Variants in ITGBL1 observed in about 807,000 individuals in gnomAD.
ITGBL1 encodes the protein integrin beta-like protein 1.
Under a neutral mutation model 68.5 loss-of-function variants are expected in ITGBL1, and 51 were observed. The observed-to-expected ratio is 0.74, with a 90% CI of 0.59 to 0.94. The LOEUF is 0.94. Ranked by LOEUF, ITGBL1 falls within the 40% of genes least tolerant of loss-of-function variation. ITGBL1 has a pLI of 0.00. For missense variants in ITGBL1, 649 were observed against 647.4 expected, an observed-to-expected ratio of 1.00 and a Z score of -0.03; for synonymous variants, 209 against 227.3, an observed-to-expected ratio of 0.92 and a Z score of 0.72.
chr13:101,712,769 C>T (rs1261137458), intron 9 of ITGBL1: 1 of 152,096 alleles, frequency 6.6e-6, no homozygotes, highest in Non-Finnish European at 1.5e-5. Context: ...GAGTGCTGTA[C>T]ATTTTTTTAT....
intron 2 of ITGBL1, among the ~76,000 whole-genome samples, chr13:101,465,334 C>T (rs2048369316): frequency 6.6e-6 from 1 of 152,102 alleles, no homozygotes; most frequent in South Asian, 2.1e-4. Flanking sequence ...ACAAAAATCA[C>T]TCAGGATTCT....
At chr13:101,618,767 A>G (rs2031469029) in intron 7 of ITGBL1, among the ~76,000 whole-genome samples, 1 of 152,114 alleles carries the variant, frequency 6.6e-6, no homozygotes, top group Non-Finnish European at 1.5e-5. Flanking sequence ...ATACAGGAGG[A>G]ACATGGATTT....
At chr13:101,673,328 G>A (rs2033422712) in intron 7 of ITGBL1, among the ~76,000 whole-genome samples, 1 of 152,172 alleles carries the variant, frequency 6.6e-6, no homozygotes, top group African/African-American at 2.4e-5. Flanking sequence ...TAAGCCCTTA[G>A]CCTGCCCAAT....
At position 101,550,269 on chromosome 13, in the gene ITGBL1, C is replaced by G. The variant is rs545983022; in HGVS notation, c.317-17430C>G. Among the ~76,000 whole-genome samples the G allele has an allele frequency of 1.4e-3, 219 of 152,162 alleles. 1 individual carries two copies. Among genetic ancestry groups the G allele is most frequent in the African/African-American group, 4.6e-3 (193 of 41,520 alleles). ...CTGGGAAGACAGACATGGTGCCTGC[C>G]TCTGGAGAAAAAGAGTATATTTATA... On this transcript the variant is annotated intron_variant, in intron 2 of 10. Transcript: ENST00000376180.
At position 101,703,174 on chromosome 13, in the gene ITGBL1, T is replaced by TA. The variant is rs11364711; in HGVS notation, c.1133-3569dup. 8.3e-3 allele frequency among the ~76,000 whole-genome samples: 1,208 copies of TA among 145,430 alleles called. 8 individuals are homozygous for TA. Among genetic ancestry groups the TA allele is most frequent in the African/African-American group, 0.023 (910 of 39,900 alleles). On this transcript the variant is annotated intron_variant, in intron 8 of 10. Transcript: ENST00000376180. The stretch of plus-strand genomic sequence containing the variant: ...GAAGTCAAAAAAGTTCCACAGGAGG[T>TA]AAAAAAAAAAAAATAAGGTATTACA...
chr13:101,559,270 T>C (rs1037718481), intron 2 of ITGBL1, among the ~76,000 whole-genome samples: 2 of 152,160 alleles, frequency 1.3e-5, no homozygotes, highest in Non-Finnish European at 2.9e-5. Flanking sequence ...AAAATACTAC[T>C]TTGTTGTGAG....
intron 6 of ITGBL1, among the ~76,000 whole-genome samples, chr13:101,597,923 T>C (rs774378200): frequency 7.9e-5 from 12 of 152,118 alleles, no homozygotes; most frequent in Non-Finnish European, 1.6e-4. Context: ...TTGAAGTTTA[T>C]AGCCTTACTA....
intron 7 of ITGBL1, among the ~76,000 whole-genome samples, chr13:101,644,450 T>A (rs866604021): frequency 6.6e-6 from 1 of 152,314 alleles, no homozygotes. Flanking sequence ...GCGATGCCTA[T>A]GGACACTGAT....
chr13:101,645,638 C>T (rs2032533779), intron 7 of ITGBL1, among the ~76,000 whole-genome samples: 1 of 152,084 alleles, frequency 6.6e-6, no homozygotes, highest in Non-Finnish European at 1.5e-5. Context: ...ATGCAAAAGC[C>T]TTCTCTGGGG....
intron 7 of ITGBL1, among the ~76,000 whole-genome samples, chr13:101,631,448 G>T (rs1285822965): frequency 1.3e-5 from 2 of 151,988 alleles, no homozygotes; most frequent in Admixed American, 6.6e-5. Context: ...TTTAAATGAG[G>T]AGGAAAGGCA....
chr13:101,683,266 G>T (rs189421551), intron 7 of ITGBL1, among the ~76,000 whole-genome samples: 1 of 151,698 alleles, frequency 6.6e-6, no homozygotes, highest in African/African-American at 2.4e-5. Context: ...AAAGTTTTCC[G>T]CCTAGATATA....
At chr13:101,667,750 A>G (rs998377887) in intron 7 of ITGBL1, among the ~76,000 whole-genome samples, 1 of 152,044 alleles carries the variant, frequency 6.6e-6, no homozygotes, top group Non-Finnish European at 1.5e-5. Flanking sequence ...TTGTGTGTAT[A>G]TGTGTTTATG....
chr13:101,458,390 A>G (rs939201295), intron 2 of ITGBL1, among the ~76,000 whole-genome samples: 2 of 152,238 alleles, frequency 1.3e-5, no homozygotes, highest in Non-Finnish European at 2.9e-5. Flanking sequence ...AAATAGGGCT[A>G]CAAGGGTTGG....
intron 2 of ITGBL1, among the ~76,000 whole-genome samples, chr13:101,556,877 A>G (rs1236802040): frequency 2.0e-5 from 3 of 152,144 alleles, no homozygotes. Context: ...GAGACAAAAC[A>G]TTTTTGTTGT....
chr13:101,577,184 C>A (rs1416579725), intron 4 of ITGBL1, among the ~76,000 whole-genome samples: 3 of 152,190 alleles, frequency 2.0e-5, no homozygotes, highest in South Asian at 2.1e-4. Flanking sequence ...GCAGTAAACA[C>A]CCTCTGGGGG....
intron 2 of ITGBL1, among the ~76,000 whole-genome samples, chr13:101,510,254 TGTG>T (rs1465571975): frequency 2.0e-5 from 3 of 152,138 alleles, no homozygotes; most frequent in Admixed American, 2.0e-4. Flanking sequence ...AGTGAGAACA[TGTG>T]GTATTTGGCT....
chr13:101,457,039 A>G (rs71441512), intron 2 of ITGBL1, among the ~76,000 whole-genome samples: 26,993 of 152,174 alleles, frequency 0.18, 2,746 homozygotes, highest in East Asian at 0.38. Context: ...TCATCTGTAA[A>G]ATGGGAATAA....
At chr13:101,474,159 G>A (rs1299390706) in intron 2 of ITGBL1, among the ~76,000 whole-genome samples, 4 of 152,144 alleles carry the variant, frequency 2.6e-5, no homozygotes, top group South Asian at 2.1e-4. Context: ...CAGTTCTACA[G>A]TTCTAGGCCT....
intron 2 of ITGBL1, among the ~76,000 whole-genome samples, chr13:101,548,347 C>T (rs2049862786): frequency 6.6e-6 from 1 of 151,764 alleles, no homozygotes; most frequent in African/African-American, 2.4e-5. Context: ...CTGGCTTAAT[C>T]TTAGTATCTT....
Sources: gnomAD v4.1 joint callset for allele counts (sites outside exome capture counted in the v4.1 genomes callset) on GRCh38, gnomAD v4.1.1 for gene constraint, MANE v1.5 for transcripts, NCBI Gene and HGNC (gene_info 2026-07-23, HGNC 2026-07-21) for gene names.